TRDN: variants seen among roughly 807,000 people sequenced by gnomAD.
The protein encoded by TRDN is triadin, also known as triadin in skeletal muscle.
In TRDN, 161 loss-of-function variants were observed where a neutral mutation model predicts 149.7. The observed-to-expected ratio is 1.08, with a 90% CI of 0.95 to 1.23. The LOEUF is 1.23. Ranked by LOEUF, TRDN falls within the 50% of genes most tolerant of loss-of-function variation. The pLI is 0.00. For missense variants in TRDN, 896 were observed against 823.5 expected (o/e 1.09, Z -1.08); for synonymous variants, 294 against 250.5 (o/e 1.17, Z -1.64).
At chr6:123,330,112 A>G (rs1159707644) in intron 23 of TRDN, among the ~76,000 whole-genome samples, 1 of 152,100 alleles carries the variant, frequency 6.6e-6, no homozygotes, top group Non-Finnish European at 1.5e-5. Flanking sequence ...ATTTCCAGAC[A>G]TCAGAGACTA....
chr6:123,383,361 A>G (rs1781789873), intron 14 of TRDN, among the ~76,000 whole-genome samples: 1 of 152,112 alleles, frequency 6.6e-6, no homozygotes, highest in South Asian at 2.1e-4. Flanking sequence ...ACAAACTAAG[A>G]AAAGAATCCA....
chr6:123,522,501 TG>T (rs1437686307), intron 5 of TRDN, among the ~76,000 whole-genome samples: 1 of 143,340 alleles, frequency 7.0e-6, no homozygotes, highest in Non-Finnish European at 1.5e-5. Context: ...AATTGGATTG[TG>T]GGGGTGCGGT....
At chr6:123,220,814 C>T (rs1165208308) in intron 40 of TRDN, among the ~76,000 whole-genome samples, 1 of 151,794 alleles carries the variant, frequency 6.6e-6, no homozygotes, top group Non-Finnish European at 1.5e-5. Context: ...GTGACACAAA[C>T]TTCAGTTATA....
intron 38 of TRDN, among the ~76,000 whole-genome samples, chr6:123,241,211 TATA>T (rs1410051117): frequency 2.0e-5 from 3 of 151,320 alleles, no homozygotes; most frequent in Non-Finnish European, 4.4e-5. Flanking sequence ...TTTGGGAAAA[TATA>T]ATCAATAAAA....
intron 9 of TRDN, among the ~76,000 whole-genome samples, chr6:123,483,658 CCTT>C (rs1385424077): frequency 6.6e-6 from 1 of 152,068 alleles, no homozygotes; most frequent in African/African-American, 2.4e-5. Flanking sequence ...TTAATTAGCA[CCTT>C]CTTCTATTTT....
chr6:123,278,986 A>G, intron 25 of TRDN, 70 bp downstream of exon 25: 1 of 1,375,218 alleles, frequency 7.3e-7, no homozygotes, highest in South Asian at 1.4e-5. Flanking sequence ...AACAGCATGC[A>G]TTTAAGATTT....
At chr6:123,482,526 G>T (rs1777792306) in intron 9 of TRDN, among the ~76,000 whole-genome samples, 3 of 152,256 alleles carry the variant, frequency 2.0e-5, no homozygotes, top group South Asian at 2.1e-4. Context: ...TCCAGTGTCT[G>T]CCAAGAGGCT....
intron 25 of TRDN, 130 bp from the exon 26 acceptor site, chr6:123,278,477 G>T (rs188296783): frequency 5.3e-6 from 3 of 561,612 alleles, no homozygotes; most frequent in Non-Finnish European, 7.8e-6. Context: ...TATTAACTTC[G>T]AAAAGTTCAT....
intron 24 of TRDN, 105 bp from the exon 25 acceptor site, chr6:123,279,187 G>A: frequency 2.2e-6 from 2 of 888,900 alleles, no homozygotes; most frequent in Admixed American, 2.9e-5. Flanking sequence ...ATGAAACAAT[G>A]TAGACCCCAC....
intron 12 of TRDN, among the ~76,000 whole-genome samples, chr6:123,418,994 C>T (rs1366075162): frequency 6.6e-6 from 1 of 152,022 alleles, no homozygotes; most frequent in Non-Finnish European, 1.5e-5. Context: ...GTATTCTAAA[C>T]CTCTAGAGAT....
At chr6:123,400,653 C>T (rs770531354) in intron 12 of TRDN, among the ~76,000 whole-genome samples, 2 of 152,076 alleles carry the variant, frequency 1.3e-5, no homozygotes, top group Non-Finnish European at 2.9e-5. Flanking sequence ...TTTGGGGACC[C>T]GTGCTCTAAT....
chr6:123,268,420 G>C (rs1050107564), intron 31 of TRDN, among the ~76,000 whole-genome samples: 6 of 151,940 alleles, frequency 3.9e-5, no homozygotes, highest in Non-Finnish European at 8.8e-5. Context: ...AAATTTTAAA[G>C]AGATCATTCT....
intron 16 of TRDN, among the ~76,000 whole-genome samples, chr6:123,378,599 G>A (rs1473817352): frequency 1.3e-5 from 2 of 152,060 alleles, no homozygotes; most frequent in African/African-American, 2.4e-5. Context: ...TTACAGGCAT[G>A]AGCCACAGCA....
chr6:123,603,596 T>C (rs1784379751), intron 1 of TRDN, among the ~76,000 whole-genome samples: 1 of 152,174 alleles, frequency 6.6e-6, no homozygotes, highest in Admixed American at 6.6e-5. Context: ...AAGCACTTAC[T>C]ATGTTCCAGA....
chr6:123,416,976 T>C (rs1285316848), intron 12 of TRDN, among the ~76,000 whole-genome samples: 1 of 152,200 alleles, frequency 6.6e-6, no homozygotes, highest in East Asian at 1.9e-4. Flanking sequence ...GTTGTGGGAT[T>C]ACAGGCGTGA....
intron 27 of TRDN, among the ~76,000 whole-genome samples, chr6:123,274,124 T>C (rs1475290452): frequency 2.6e-5 from 4 of 152,208 alleles, no homozygotes; most frequent in East Asian, 3.9e-4. Flanking sequence ...AGATATTAAG[T>C]ATAGGTAATA....
intron 4 of TRDN, among the ~76,000 whole-genome samples, chr6:123,533,500 G>T (rs1159358471): frequency 6.6e-6 from 1 of 152,026 alleles, no homozygotes; most frequent in Non-Finnish European, 1.5e-5. Flanking sequence ...CTAGAAAGAC[G>T]GTCCTTGTTG....
chr6:123,340,289 T>C (rs1780018567), intron 21 of TRDN, among the ~76,000 whole-genome samples: 1 of 152,102 alleles, frequency 6.6e-6, no homozygotes, highest in Non-Finnish European at 1.5e-5. Flanking sequence ...ACTACAAGTA[T>C]TCATCTGTTT....
chr6:123,393,582 T>C, intron 13 of TRDN, 42 bp downstream of exon 13: 2 of 1,558,870 alleles, frequency 1.3e-6, no homozygotes, highest in African/African-American at 1.4e-5. Context: ...GCTATAGATG[T>C]TTAAAAAAAG....
Sources: allele counts gnomAD v4.1 joint callset (sites outside exome capture counted in the v4.1 genomes callset), GRCh38; gene constraint gnomAD v4.1.1; transcripts MANE v1.5; gene names NCBI Gene and HGNC (gene_info 2026-07-23, HGNC 2026-07-21).